Variants in POLR3GL observed in about 807,000 individuals in gnomAD.
POLR3GL encodes RNA polymerase III subunit GL.
In POLR3GL, 26 loss-of-function variants were observed where a neutral mutation model predicts 32.4. The observed-to-expected ratio is 0.80, with a 90% CI of 0.59 to 1.11. POLR3GL has a LOEUF of 1.11. Ranked by LOEUF, POLR3GL falls within the 50% of genes most tolerant of loss-of-function variation. POLR3GL has a pLI of 0.00. For synonymous variants in POLR3GL, 95 were observed against 98.7 expected (o/e 0.96, Z 0.22); for missense variants, 229 against 280.1 (o/e 0.82, Z 1.30).
intron 1 of POLR3GL, among the ~76,000 whole-genome samples, chr1:145,969,428 C>G (rs1032550962): frequency 6.6e-6 from 1 of 151,604 alleles, no homozygotes; most frequent in African/African-American, 2.4e-5. Flanking sequence ...CCATGCCCAG[C>G]TAATTTTTGT....
chr1:145,968,212 A>G (rs1553762233), intron 1 of POLR3GL, among the ~76,000 whole-genome samples: 1 of 152,200 alleles, frequency 6.6e-6, no homozygotes, highest in Non-Finnish European at 1.5e-5. Flanking sequence ...TGACTAGATT[A>G]TGGGAGACCT....
At chr1:145,970,192 G>A (rs1309605362) in intron 1 of POLR3GL, among the ~76,000 whole-genome samples, 4 of 152,066 alleles carry the variant, frequency 2.6e-5, no homozygotes, top group Non-Finnish European at 5.9e-5. Context: ...GTCACCCAGG[G>A]TGAGTGCAGT....
intron 1 of POLR3GL, among the ~76,000 whole-genome samples, chr1:145,966,503 A>G (rs1553762074): frequency 1.5e-5 from 2 of 137,434 alleles, no homozygotes; most frequent in East Asian, 2.2e-4. Context: ...AAAAAAAAAA[A>G]GAGGCCGGGC....
chr1:145,976,076 G>A (rs1255161533), intron 3 of POLR3GL, among the ~76,000 whole-genome samples: 40 of 151,930 alleles, frequency 2.6e-4, no homozygotes, highest in Admixed American at 2.6e-3. Context: ...GGAGTTTGAG[G>A]CCAGCCTAGC....
At position 145,975,346 on chromosome 1, in the gene POLR3GL, G is replaced by A; in HGVS notation, c.166G>A (p.Glu56Lys). ...CCCAGTACCTTTGCCCTCAGGCGAG[G>A]AAGGGGAATATGTCCTGGCACTGAA... ...FRPVPLPSGE[E>K]GEYVLALKQE... Residue 56 changes from glutamate (E) to lysine (K), a missense_variant, in exon 3 of 8, where the codon GAA becomes AAA. Glu to Lys is a moderately conservative substitution (Grantham distance 56). Coordinates refer to ENST00000369314, the MANE Select transcript of POLR3GL (RefSeq NM_032305.3). 1.9e-6 allele frequency: 3 copies of A among 1,614,188 alleles called. No homozygotes were observed. The highest frequency in any genetic ancestry group is 2.5e-6 in the Non-Finnish European group (3 of 1,180,008).
At chr1:145,965,997 T>A (rs1650001678) in intron 1 of POLR3GL, among the ~76,000 whole-genome samples, 1 of 151,036 alleles carries the variant, frequency 6.6e-6, no homozygotes, top group African/African-American at 2.4e-5. Flanking sequence ...ATGCCTGTAA[T>A]CCCAGCTACT....
chr1:145,971,985 AAAAAATATAT>A (rs1241668750), intron 1 of POLR3GL, among the ~76,000 whole-genome samples: 41 of 99,042 alleles, frequency 4.1e-4, no homozygotes, highest in African/African-American at 1.0e-3. Context: ...AAAAAAAAAA[AAAAAATATAT>A]ATATATATAT....
chr1:145,975,081 T>C (rs1650491916), intron 2 of POLR3GL, 90 bp downstream of exon 2: 14 of 1,455,084 alleles, frequency 9.6e-6, no homozygotes, highest in Non-Finnish European at 1.3e-5. Flanking sequence ...CATAAAACCA[T>C]CCTCGCTTTG....
At chr1:145,966,087 G>C (rs1249505249) in intron 1 of POLR3GL, among the ~76,000 whole-genome samples, 1 of 129,336 alleles carries the variant, frequency 7.7e-6, no homozygotes, top group Non-Finnish European at 1.5e-5. Context: ...TTGCACTCCA[G>C]CCTGGGCAAC....
intron 3 of POLR3GL, 76 bp from the exon 4 acceptor site, chr1:145,977,008 G>A: frequency 8.2e-7 from 1 of 1,220,876 alleles, no homozygotes; most frequent in Non-Finnish European, 1.2e-6. Flanking sequence ...CCTCAGTATT[G>A]AGAGGGCTGG....
chr1:145,977,792 CT>C lies in POLR3GL; in HGVS notation c.398del (p.Leu133ProfsTer19), dbSNP rs1559257803. 7.4e-6 allele frequency: 12 copies of C among 1,614,024 alleles called. No individual in the cohort carries two copies. The highest frequency in any genetic ancestry group is 1.1e-5 in the South Asian group (1 of 91,078). ...CCCTCCACCAGGGATTACAATTCTG[CT>C]CCCCAAGAGGCCCCCTAAGACCACA... ...KLQKERITIL[L>X]PKRPPKTTED... On this transcript the variant is annotated frameshift_variant, in exon 6 of 8. Transcript: ENST00000369314. LOFTEE classifies it high-confidence loss of function.
rs11547507 is a variant in POLR3GL at position 145,974,967 on chromosome 1, C to T, written c.102C>T (p.Thr34=). 1 of 1,520,248 alleles carries T rather than the reference C, an allele frequency of 6.6e-7. No homozygotes were observed. The highest frequency in any genetic ancestry group is 8.8e-7 in the Non-Finnish European group (1 of 1,139,282). The allele number at this position is 1,520,248 out of a possible 1,614,324, so 94.2% of individuals were successfully genotyped here. Residue 34 remains threonine, a synonymous_variant, in exon 2 of 8, where the codon ACC becomes ACT. Coordinates refer to ENST00000369314, the MANE Select transcript of POLR3GL (RefSeq NM_032305.3). Reference sequence around the variant, plus strand: ...AAGGGGATGCTTTGCCCCCACCCACCCTGCAGCCTTCTCCACTCTTCCCTG... The same window carrying T: ...AAGGGGATGCTTTGCCCCCACCCACTCTGCAGCCTTCTCCACTCTTCCCTG... ...IGKGDALPPP[T]LQPSPLFPPL...
At chr1:145,966,582 A>G (rs1650041993) in intron 1 of POLR3GL, among the ~76,000 whole-genome samples, 1 of 151,826 alleles carries the variant, frequency 6.6e-6, no homozygotes, top group Non-Finnish European at 1.5e-5. Flanking sequence ...AGTCAGGAGT[A>G]CAAGACCAGC....
chr1:145,970,647 G>A (rs944857175), intron 1 of POLR3GL, among the ~76,000 whole-genome samples: 17 of 150,430 alleles, frequency 1.1e-4, no homozygotes, highest in Non-Finnish European at 1.9e-4. Context: ...GCTGAGGCGG[G>A]TGGATCACGA....
intron 1 of POLR3GL, among the ~76,000 whole-genome samples, chr1:145,965,190 GTCTC>G (rs141400496): frequency 0.036 from 5,492 of 152,254 alleles, 366 homozygotes; most frequent in African/African-American, 0.13. Context: ...TTAGTGCACT[GTCTC>G]TCTTTAACGT....
In POLR3GL at chr1:145,974,913, CT is replaced by C; in HGVS notation, c.50del (p.Phe17SerfsTer47). 1.3e-6 allele frequency: 2 copies of C among 1,524,216 alleles called. No homozygotes were observed. The highest frequency in any genetic ancestry group is 1.4e-5 in the African/African-American group (1 of 69,766). The allele number at this position is 1,524,216 out of a possible 1,614,324, so 94.4% of individuals were successfully genotyped here. On this transcript the variant is annotated frameshift_variant, in exon 2 of 8. Coordinates refer to ENST00000369314, the MANE Select transcript of POLR3GL (RefSeq NM_032305.3). LOFTEE classifies it high-confidence loss of function. Reference protein sequence around the residue: ...GRGRGRGQLTFNVEAVGIGKG... With the variant: ...GRGRGRGQLTXNVEAVGIGKG... ...GGGGTCGTGGCCGGGGCCAGTTGAC[CT>C]TCAACGTGGAGGCCGTGGGCATTGG...
At chr1:145,978,181 A>T in intron 7 of POLR3GL, 85 bp downstream of exon 7, 1 of 1,539,034 alleles carries the variant, frequency 6.5e-7, no homozygotes, top group Non-Finnish European at 8.8e-7. Flanking sequence ...TGGCATGCCA[A>T]CAGAGATAGT....
At chr1:145,977,294 C>T in intron 4 of POLR3GL, 142 bp downstream of exon 4, 2 of 897,590 alleles carry the variant, frequency 2.2e-6, no homozygotes, top group South Asian at 2.8e-5. Context: ...CCAACACATT[C>T]TCAGATTCTA....
Position 145,974,837 on chromosome 1 carries a change from G to C in POLR3GL, c.-29G>C, listed in dbSNP as rs1220686544. ...TTGTCTTTATTAGGTTTATTCACTG[G>C]ATCTCTGAATACCCAGGCCCCCTCC... On this transcript the variant is annotated 5_prime_UTR_variant, in exon 2 of 8. Coordinates refer to ENST00000369314, the MANE Select transcript of POLR3GL (RefSeq NM_032305.3). 3.4e-6 allele frequency: 5 copies of C among 1,491,258 alleles called. No homozygotes were observed. Among genetic ancestry groups the C allele is most frequent in the Non-Finnish European group, 4.4e-6 (5 of 1,128,322 alleles). 92.4% of individuals were successfully genotyped at this position (1,491,258 alleles called of 1,614,324 possible).
Sources: gnomAD v4.1 joint callset for allele counts (sites outside exome capture counted in the v4.1 genomes callset) on GRCh38, gnomAD v4.1.1 for gene constraint, MANE v1.5 for transcripts, NCBI Gene and HGNC (gene_info 2026-07-23, HGNC 2026-07-21) for gene names.